The following CFTR variants were observed in gnomAD, a reference collection of about 807,000 sequenced individuals.
CFTR encodes CF transmembrane conductance regulator, also known as cystic fibrosis transmembrane conductance regulator.
In CFTR, 181 loss-of-function variants were observed where a neutral mutation model predicts 171.6. The ratio of observed to expected loss-of-function variants is 1.05; its 90% CI spans 0.93 to 1.19. The LOEUF is 1.19. Among genes scored for constraint, CFTR ranks in the 50% most tolerant of loss-of-function variants. CFTR has a pLI of 0.00. For missense variants in CFTR, 1,968 were observed against 1,734.7 expected (o/e 1.13, Z -2.39); for synonymous variants, 583 against 608.0 (o/e 0.96, Z 0.60).
intron 11 of CFTR, among the ~76,000 whole-genome samples, chr7:117,578,621 A>T (rs930298369): frequency 2.0e-5 from 3 of 152,120 alleles, no homozygotes; most frequent in African/African-American, 7.2e-5. Context: ...CAGCTGTGGT[A>T]AATTCTGGTT....
At chr7:117,485,125 T>C (rs1798054593) in intron 1 of CFTR, among the ~76,000 whole-genome samples, 1 of 152,214 alleles carries the variant, frequency 6.6e-6, no homozygotes, top group Non-Finnish European at 1.5e-5. Flanking sequence ...GAGTGAGTAC[T>C]GCTATAAAAT....
chr7:117,490,824 A>G (rs1798148971), intron 1 of CFTR, among the ~76,000 whole-genome samples: 1 of 152,042 alleles, frequency 6.6e-6, no homozygotes, highest in South Asian at 2.1e-4. Flanking sequence ...CTCTAAATTT[A>G]TCCCTCCTTT....
chr7:117,642,851 C>T (rs1315178751), intron 23 of CFTR, among the ~76,000 whole-genome samples: 4 of 152,054 alleles, frequency 2.6e-5, no homozygotes, highest in Non-Finnish European at 5.9e-5. Flanking sequence ...GAGCCTTGGG[C>T]TTTTGTTTTT....
chr7:117,647,179 G>C (rs1793006474), intron 23 of CFTR, among the ~76,000 whole-genome samples: 1 of 151,838 alleles, frequency 6.6e-6, no homozygotes, highest in Non-Finnish European at 1.5e-5. Context: ...CTAGACTTGA[G>C]TGTGTTACCT....
chr7:117,485,048 G>T (rs1042656959), intron 1 of CFTR, among the ~76,000 whole-genome samples: 5 of 152,102 alleles, frequency 3.3e-5, no homozygotes, highest in African/African-American at 1.2e-4. Context: ...TATGTGTTAT[G>T]GGAGGGAGTG....
intron 24 of CFTR, among the ~76,000 whole-genome samples, 171 bp downstream of exon 24, chr7:117,653,102 C>T (rs1793113126): frequency 6.6e-6 from 1 of 151,610 alleles, no homozygotes; most frequent in African/African-American, 2.4e-5. Flanking sequence ...TGGACCTACC[C>T]CTAACTGAAA....
intron 16 of CFTR, 152 bp from the exon 17 acceptor site, chr7:117,603,380 C>G (rs1792253757): frequency 1.3e-6 from 1 of 746,932 alleles, no homozygotes; most frequent in Admixed American, 2.2e-5. Flanking sequence ...TATTTTCTTG[C>G]AATAATAGTA....
At chr7:117,580,801 C>T (rs1293547910) in intron 11 of CFTR, among the ~76,000 whole-genome samples, 4 of 152,062 alleles carry the variant, frequency 2.6e-5, no homozygotes, top group South Asian at 2.1e-4. Context: ...ATTGACTTAT[C>T]GAGACAGTTA....
intron 1 of CFTR, among the ~76,000 whole-genome samples, chr7:117,487,487 A>C (rs1176798412): frequency 1.3e-5 from 2 of 152,138 alleles, no homozygotes; most frequent in African/African-American, 4.8e-5. Flanking sequence ...ATAGAAATTC[A>C]ATGTGGTATG....
At chr7:117,600,994 A>G (rs1792215937) in intron 15 of CFTR, among the ~76,000 whole-genome samples, 1 of 152,064 alleles carries the variant, frequency 6.6e-6, no homozygotes. Context: ...AAATAATTTT[A>G]TATTATGATG....
chr7:117,495,303 A>G (rs1188549528), intron 1 of CFTR, among the ~76,000 whole-genome samples: 1 of 152,158 alleles, frequency 6.6e-6, no homozygotes, highest in African/African-American at 2.4e-5. Context: ...AATCCTGGAA[A>G]GGCACTCTGA....
In CFTR at chr7:117,611,626, T is replaced by C. The variant is rs2116084329; in HGVS notation, c.3185T>C (p.Leu1062Pro). 1 of 1,613,508 alleles carries C rather than the reference T, an allele frequency of 6.2e-7. No homozygotes were observed. The highest frequency in any genetic ancestry group is 1.7e-4 in the Middle Eastern group (1 of 6,060). Residue 1062 changes from leucine (L) to proline (P), a missense_variant, in exon 20 of 27, where the codon CTA becomes CCA. Physicochemically the swap from Leu to Pro is moderately conservative, Grantham distance 98. Transcript: ENST00000003084. ...FTHLVTSLKGLWTLRAFGRQP... is the reference protein window; with the variant it reads ...FTHLVTSLKGPWTLRAFGRQP... ...CATCTTGTTACAAGCTTAAAAGGAC[T>C]ATGGACACTTCGTGCCTTCGGACGG...
In CFTR at chr7:117,621,648, A is replaced by G. The variant is rs34983001; in HGVS notation, c.3469-5874A>G. ...TACTTTGGGGAAGACATAATATTGC[A>G]AAATTAAGATGCTTAGAGAAAAATC... On this transcript the variant is annotated intron_variant, in intron 21 of 26. Coordinates refer to ENST00000003084, the MANE Select transcript of CFTR (RefSeq NM_000492.4). 2.7e-3 allele frequency among the ~76,000 whole-genome samples: 405 copies of G among 152,360 alleles called. 1 individual carries two copies. The highest frequency in any genetic ancestry group is 9.4e-3 in the African/African-American group (389 of 41,586).
chr7:117,530,269 A>G (rs1397835159), intron 3 of CFTR, among the ~76,000 whole-genome samples: 1 of 152,164 alleles, frequency 6.6e-6, no homozygotes, highest in African/African-American at 2.4e-5. Context: ...CTAGCATTGG[A>G]AGTGGCTGAT....
chr7:117,578,219 G>A (rs1405077594), intron 11 of CFTR, among the ~76,000 whole-genome samples: 1 of 151,514 alleles, frequency 6.6e-6, no homozygotes, highest in Non-Finnish European at 1.5e-5. Flanking sequence ...CACCCCTAAG[G>A]CAACAAGGCC....
At chr7:117,585,901 A>C (rs1049091953) in intron 11 of CFTR, among the ~76,000 whole-genome samples, 35 of 152,156 alleles carry the variant, frequency 2.3e-4, no homozygotes, top group African/African-American at 7.5e-4. Context: ...CCCACCCAGC[A>C]TCCTGAAGTG....
intron 12 of CFTR, 27 bp from the exon 13 acceptor site, chr7:117,590,326 G>A (rs1792005567): frequency 1.3e-6 from 2 of 1,596,052 alleles, no homozygotes; most frequent in East Asian, 2.3e-5. Flanking sequence ...GAGAGGAAAT[G>A]TAATTTAATT....
intron 1 of CFTR, among the ~76,000 whole-genome samples, chr7:117,497,480 A>G (rs1016149797): frequency 1.3e-5 from 2 of 152,212 alleles, no homozygotes; most frequent in African/African-American, 4.8e-5. Context: ...TGGTCATGGT[A>G]GTTATTATCT....
At chr7:117,570,692 A>C (rs570834818) in intron 11 of CFTR, among the ~76,000 whole-genome samples, 1 of 152,216 alleles carries the variant, frequency 6.6e-6, no homozygotes, top group Admixed American at 6.5e-5. Context: ...AAGAAATTCT[A>C]TCTCAGACAC....
Sources: gnomAD v4.1 joint callset for allele counts (sites outside exome capture counted in the v4.1 genomes callset) on GRCh38, gnomAD v4.1.1 for gene constraint, MANE v1.5 for transcripts, NCBI Gene and HGNC (gene_info 2026-07-23, HGNC 2026-07-21) for gene names.